The following RFX8 variants were observed in gnomAD, a reference collection of about 807,000 sequenced individuals.
RFX8 encodes regulatory factor X8, also known as DNA-binding protein RFX8.
RFX8 carries 46 observed loss-of-function variants against 54.6 expected under a neutral mutation model. That is an observed-to-expected ratio of 0.84 (90% CI 0.67 to 1.08). The LOEUF is 1.08. RFX8 is among the 50% of genes least tolerant of loss of function. The pLI is 0.00. For synonymous variants in RFX8, 192 were observed against 209.5 expected (o/e 0.92, Z 0.72); for missense variants, 536 against 562.3 (o/e 0.95, Z 0.47).
chr2:101,459,522 T>C (rs1464882434), intron 2 of RFX8, among the ~76,000 whole-genome samples: 1 of 152,180 alleles, frequency 6.6e-6, no homozygotes, highest in East Asian at 1.9e-4. Flanking sequence ...CAGACCCCGT[T>C]TGCCAGGGTA....
At chr2:101,456,462 TGA>T (rs1462850411) in intron 2 of RFX8, among the ~76,000 whole-genome samples, 6 of 152,188 alleles carry the variant, frequency 3.9e-5, no homozygotes, top group Non-Finnish European at 7.3e-5. Context: ...CTGCATCTAT[TGA>T]GATAATCATG....
chr2:101,468,782 A>C (rs1036428445), intron 1 of RFX8, among the ~76,000 whole-genome samples: 7 of 151,372 alleles, frequency 4.6e-5, no homozygotes, highest in Non-Finnish European at 1.0e-4. Flanking sequence ...GCATCAAGGA[A>C]GTAGATTTTT....
rs190279484 is a variant in RFX8 at position 101,406,509 on chromosome 2, G to T, written c.814-452C>A. Among the ~76,000 whole-genome samples the T allele has an allele frequency of 7.3e-5, 11 of 151,172 alleles. 1 individual carries two copies. The highest frequency in any genetic ancestry group is 6.3e-4 in the South Asian group (3 of 4,778). On this transcript the variant is annotated intron_variant, in intron 9 of 11. Transcript: ENST00000428343. ...ACTGCACATGACTAATTTAATTTTG[G>T]GGGGGAGGGTGGGTAGAGATAAGGG...
intron 2 of RFX8, 112 bp from the exon 3 acceptor site, chr2:101,422,584 G>T: frequency 3.0e-6 from 2 of 670,234 alleles, no homozygotes; most frequent in Non-Finnish European, 5.3e-6. Context: ...TAACCTTTTA[G>T]CCACACCTCT....
At chr2:101,454,846 T>C (rs1688880042) in intron 2 of RFX8, among the ~76,000 whole-genome samples, 1 of 152,204 alleles carries the variant, frequency 6.6e-6, no homozygotes, top group Non-Finnish European at 1.5e-5. Flanking sequence ...ATTCTGTAGA[T>C]TGCTTGTTCA....
At chr2:101,421,684 A>G in intron 4 of RFX8, 40 bp downstream of exon 4, 1 of 1,531,382 alleles carries the variant, frequency 6.5e-7, no homozygotes, top group South Asian at 1.3e-5. Context: ...CTTGTATTTT[A>G]TAGATAAAAC....
intron 2 of RFX8, among the ~76,000 whole-genome samples, chr2:101,459,440 G>C (rs1689152276): frequency 6.6e-6 from 1 of 152,128 alleles, no homozygotes; most frequent in Non-Finnish European, 1.5e-5. Context: ...ATTCCTTTCT[G>C]TTTGTTAGTT....
chr2:101,412,168 C>A (rs114541684), intron 8 of RFX8, among the ~76,000 whole-genome samples: 1 of 152,130 alleles, frequency 6.6e-6, no homozygotes, highest in East Asian at 1.9e-4. Flanking sequence ...GGGAGCCTGG[C>A]ACCCTCCCTG....
At chr2:101,406,918 G>C (rs1038911404) in intron 9 of RFX8, among the ~76,000 whole-genome samples, 1 of 152,186 alleles carries the variant, frequency 6.6e-6, no homozygotes, top group Non-Finnish European at 1.5e-5. Flanking sequence ...GTGGAACCAA[G>C]GTCATCTGAC....
intron 9 of RFX8, among the ~76,000 whole-genome samples, chr2:101,408,393 G>A (rs900299166): frequency 9.9e-5 from 15 of 152,086 alleles, no homozygotes; most frequent in Non-Finnish European, 1.6e-4. Flanking sequence ...GCTGAGGCAG[G>A]AGAATGGCGT....
At chr2:101,415,134 G>A (rs901257749) in intron 6 of RFX8, among the ~76,000 whole-genome samples, 1 of 152,010 alleles carries the variant, frequency 6.6e-6, no homozygotes, top group African/African-American at 2.4e-5. Context: ...AGTAACCCCA[G>A]CATCTGACAT....
chr2:101,448,751 T>C (rs1373260151), intron 2 of RFX8, among the ~76,000 whole-genome samples: 1 of 152,218 alleles, frequency 6.6e-6, no homozygotes, highest in Non-Finnish European at 1.5e-5. Flanking sequence ...AAGGTGACCA[T>C]ATAATTCATT....
intron 11 of RFX8, among the ~76,000 whole-genome samples, chr2:101,401,108 G>A (rs1377964570): frequency 2.0e-5 from 3 of 152,180 alleles, no homozygotes; most frequent in African/African-American, 4.8e-5. Flanking sequence ...CGTGGAGGAG[G>A]TGAGTTTCTC....
Position 101,466,841 on chromosome 2 carries a change from T to C in RFX8, c.8A>G (p.Glu3Gly), listed in dbSNP as rs1451634041. The change falls in exon 2 of 12, where the codon GAG becomes GGG. Residue 3 changes from glutamate (E) to glycine (G), a missense_variant. Glu to Gly is a moderately conservative substitution (Grantham distance 98). Transcript: ENST00000428343. ...TTGCCCACAGGTCTCCACGTAAATC[T>C]CATACATGAGACAGCGAGGGACGCT... MYEIYVETCGQNT... is the reference protein window; with the variant it reads MYGIYVETCGQNT... The C allele has an allele frequency of 5.8e-6, 9 of 1,551,178 alleles. No individual in the cohort carries two copies. Among genetic ancestry groups the C allele is most frequent in the Non-Finnish European group, 6.1e-6 (7 of 1,146,616 alleles).
chr2:101,414,445 T>TC (rs1346609501), intron 7 of RFX8, among the ~76,000 whole-genome samples: 1 of 151,192 alleles, frequency 6.6e-6, no homozygotes, highest in Non-Finnish European at 1.5e-5. Context: ...TTTGTATTTT[T>TC]TTTTTTTTGA....
intron 10 of RFX8, among the ~76,000 whole-genome samples, chr2:101,405,179 T>C (rs1685660169): frequency 6.6e-6 from 1 of 151,136 alleles, no homozygotes; most frequent in African/African-American, 2.4e-5. Flanking sequence ...GAAGTTTCGT[T>C]CTTGTCACCC....
At chr2:101,402,887 C>A in intron 10 of RFX8, 135 bp from the exon 11 acceptor site, 1 of 775,118 alleles carries the variant, frequency 1.3e-6, no homozygotes, top group Admixed American at 2.9e-5. Context: ...CCAGAAGAGG[C>A]CTGGGTCGGC....
rs141872013 is a variant in RFX8 at position 101,473,840 on chromosome 2, G to C, written c.-53+796C>G. On this transcript the variant is annotated intron_variant, in intron 1 of 11. Transcript: ENST00000428343. ...AAACATCCCATCCTGGATCTAGGGA[G>C]AGAAAGCTTTTCCTCCCCTGGCAAG... Among the ~76,000 whole-genome samples the C allele has an allele frequency of 8.9e-4, 135 of 152,344 alleles. 2 individuals carry two copies. Among genetic ancestry groups the C allele is most frequent in the African/African-American group, 3.0e-3 (126 of 41,582 alleles).
intron 1 of RFX8, among the ~76,000 whole-genome samples, chr2:101,471,723 C>T (rs1318060239): frequency 6.6e-6 from 1 of 152,226 alleles, no homozygotes; most frequent in Non-Finnish European, 1.5e-5. Flanking sequence ...GAAACAGAAA[C>T]CTTCTATTAC....
Sources: gnomAD v4.1 joint callset for allele counts (sites outside exome capture counted in the v4.1 genomes callset) on GRCh38, gnomAD v4.1.1 for gene constraint, MANE v1.5 for transcripts, NCBI Gene and HGNC (gene_info 2026-07-23, HGNC 2026-07-21) for gene names.